Variants in SENP7 observed in about 807,000 individuals in gnomAD.
The protein encoded by SENP7 is SUMO specific peptidase 7, also known as sentrin-specific protease 7.
SENP7 carries 64 observed loss-of-function variants against 141.2 expected under a neutral mutation model. That is an observed-to-expected ratio of 0.45 (90% CI 0.37 to 0.56). The LOEUF (loss-of-function observed/expected upper bound fraction) is 0.56, where lower values mean the gene tolerates loss of function less well. SENP7 is among the 20% of genes least tolerant of loss of function. The pLI is 0.00. For missense variants in SENP7, 1,025 were observed against 1,212.2 expected, an observed-to-expected ratio of 0.85 and a Z score of 2.29; for synonymous variants, 382 against 426.4, an observed-to-expected ratio of 0.90 and a Z score of 1.28.
At chr3:101,462,498 G>A (rs1353797331) in intron 3 of SENP7, among the ~76,000 whole-genome samples, 1 of 151,078 alleles carries the variant, frequency 6.6e-6, no homozygotes, top group Non-Finnish European at 1.5e-5. Flanking sequence ...CCGAGATCGC[G>A]CCATTACACT....
intron 4 of SENP7, among the ~76,000 whole-genome samples, chr3:101,422,071 C>T (rs902907268): frequency 1.2e-4 from 19 of 152,114 alleles, no homozygotes; most frequent in African/African-American, 1.2e-4. Context: ...CGAGCATTAC[C>T]GCCTGAGCTC....
intron 4 of SENP7, among the ~76,000 whole-genome samples, chr3:101,445,562 C>T (rs1053386105): frequency 1.3e-5 from 2 of 151,762 alleles, no homozygotes; most frequent in Non-Finnish European, 2.9e-5. Flanking sequence ...CCAATAACAA[C>T]CTTACATGTA....
At chr3:101,391,340 C>A (rs2060810195) in intron 6 of SENP7, among the ~76,000 whole-genome samples, 1 of 18,850 alleles carries the variant, frequency 5.3e-5, no homozygotes, top group Non-Finnish European at 9.7e-5. Context: ...GCTACACCAA[C>A]CAAGATTAAA....
chr3:101,405,836 G>C (rs2061285109), intron 5 of SENP7, among the ~76,000 whole-genome samples: 1 of 152,174 alleles, frequency 6.6e-6, no homozygotes, highest in African/African-American at 2.4e-5. Flanking sequence ...GAAATTCAGA[G>C]CTTGAAAACA....
chr3:101,361,777 C>T lies in SENP7; in HGVS notation c.1561G>A (p.Asp521Asn), dbSNP rs1576088902. 1 of 1,606,760 alleles carries T rather than the reference C, an allele frequency of 6.2e-7. No individual in the cohort carries two copies. Among genetic ancestry groups the T allele is most frequent in the Non-Finnish European group, 8.5e-7 (1 of 1,177,356 alleles). ...ATATAAACAGAAGTAAATATAAAAT[C>T]CAGTTGTAGATCCATCTCATTACTA... The part of the protein sequence containing the change: ...MPSNEMDLQL[D>N]FIFTSVYIGK... Residue 521 changes from aspartate to asparagine, a missense_variant, in exon 11 of 24, where the codon GAT becomes AAT. Around this residue, in one of 4 missense-constraint regions of SENP7, gnomAD observed 228 missense variants for 228.5 expected, o/e 1.00. Coordinates refer to ENST00000394095, the MANE Select transcript of SENP7 (RefSeq NM_020654.5).
intron 6 of SENP7, among the ~76,000 whole-genome samples, chr3:101,389,695 T>C (rs1036757640): frequency 6.6e-6 from 1 of 151,826 alleles, no homozygotes; most frequent in Non-Finnish European, 1.5e-5. Flanking sequence ...TCTAAAATAA[T>C]GAACATACCT....
At chr3:101,393,172 T>C (rs1476775566) in intron 6 of SENP7, among the ~76,000 whole-genome samples, 3 of 152,132 alleles carry the variant, frequency 2.0e-5, no homozygotes, top group African/African-American at 7.2e-5. Flanking sequence ...CCCCTATTTC[T>C]CACCATATAC....
intron 4 of SENP7, among the ~76,000 whole-genome samples, chr3:101,427,276 C>T (rs1248034985): frequency 2.6e-5 from 4 of 152,012 alleles, no homozygotes; most frequent in African/African-American, 9.7e-5. Flanking sequence ...ATTGCCTGAG[C>T]TCAGGAGTTT....
At chr3:101,414,890 C>T (rs369962012) in intron 5 of SENP7, among the ~76,000 whole-genome samples, 84 of 144,982 alleles carry the variant, frequency 5.8e-4, no homozygotes, top group Non-Finnish European at 8.0e-4. Flanking sequence ...GTGGCCAGTG[C>T]TTGTCCTGGC....
chr3:101,432,656 T>C (rs992765497), intron 4 of SENP7, among the ~76,000 whole-genome samples: 2 of 152,226 alleles, frequency 1.3e-5, no homozygotes, highest in Non-Finnish European at 2.9e-5. Flanking sequence ...ATCCAGAGAA[T>C]TCTCCCAGTT....
chr3:101,422,847 TA>T (rs944784346), intron 4 of SENP7, among the ~76,000 whole-genome samples: 2 of 150,986 alleles, frequency 1.3e-5, no homozygotes, highest in Middle Eastern at 3.4e-3. Flanking sequence ...TGCCTATGAA[TA>T]AAAAAAAATA....
chr3:101,476,558 T>C (rs2064226597), intron 3 of SENP7, among the ~76,000 whole-genome samples: 1 of 152,216 alleles, frequency 6.6e-6, no homozygotes, highest in South Asian at 2.1e-4. Context: ...ACAATAAACA[T>C]ACATGTGCAT....
At chr3:101,433,236 C>G (rs1208970732) in intron 4 of SENP7, among the ~76,000 whole-genome samples, 7 of 150,188 alleles carry the variant, frequency 4.7e-5, no homozygotes, top group Admixed American at 1.3e-4. Context: ...CTCATGGTAA[C>G]CTCAAACCAA....
chr3:101,402,260 T>G (rs987167836), intron 5 of SENP7, among the ~76,000 whole-genome samples: 7 of 152,144 alleles, frequency 4.6e-5, no homozygotes, highest in Non-Finnish European at 1.0e-4. Flanking sequence ...TAGGGGCTAA[T>G]GAAGCTGGTG....
At chr3:101,431,761 C>T (rs528271304) in intron 4 of SENP7, among the ~76,000 whole-genome samples, 16 of 146,652 alleles carry the variant, frequency 1.1e-4, no homozygotes, top group South Asian at 6.6e-4. Context: ...TCCAGCCTGG[C>T]GGACAGAGCC....
At chr3:101,457,869 T>C (rs1009340165) in intron 4 of SENP7, 5 of 489,968 alleles carry the variant, frequency 1.0e-5, no homozygotes, top group African/African-American at 1.9e-5. Flanking sequence ...TTGTGAAGCA[T>C]GCAAAGTCTT....
rs560208458 is a variant in SENP7, at chr3:101,362,860, T to A, written c.1477-999A>T. Reference sequence around the variant, plus strand: ...ACTATATAACTTTGCTTTTAAATTATAATAGAAAACCAGGCAATATCAGCA... The same window carrying A: ...ACTATATAACTTTGCTTTTAAATTAAAATAGAAAACCAGGCAATATCAGCA... On this transcript the variant is annotated intron_variant, in intron 10 of 23. Transcript: ENST00000394095. Among the ~76,000 whole-genome samples, 23 of 152,348 alleles carry A rather than the reference T, an allele frequency of 1.5e-4. 1 individual carries two copies. The South Asian group carries it at 4.8e-3, about 32-fold the overall frequency.
intron 18 of SENP7, among the ~76,000 whole-genome samples, 187 bp downstream of exon 18, chr3:101,332,583 C>T (rs1165461619): frequency 6.6e-6 from 1 of 151,714 alleles, no homozygotes; most frequent in East Asian, 1.9e-4. Flanking sequence ...ACTTTTACAA[C>T]ATAACCATTG....
chr3:101,471,303 G>C (rs2063983886), intron 3 of SENP7, among the ~76,000 whole-genome samples: 1 of 151,974 alleles, frequency 6.6e-6, no homozygotes, highest in African/African-American at 2.4e-5. Flanking sequence ...CCAAAACAGA[G>C]ATATAGACCA....
Sources: gnomAD v4.1 joint callset for allele counts (sites outside exome capture counted in the v4.1 genomes callset) on GRCh38, gnomAD v4.1.1 for gene constraint, gnomAD v4.1.1 regional missense constraint, MANE v1.5 for transcripts, NCBI Gene and HGNC (gene_info 2026-07-23, HGNC 2026-07-21) for gene names.